Variants in RBM48 observed in about 807,000 individuals in gnomAD.
The protein encoded by RBM48 is RNA-binding protein 48.
A neutral mutation model predicts 34.8 loss-of-function variants in RBM48; 32 were observed. The ratio of observed to expected loss-of-function variants is 0.92; its 90% CI spans 0.69 to 1.23. The LOEUF is 1.23. RBM48 is among the 50% of genes most tolerant of loss of function. RBM48 has a pLI of 0.00. For synonymous variants in RBM48, 151 were observed against 156.2 expected, an observed-to-expected ratio of 0.97 and a Z score of 0.25; for missense variants, 441 against 447.2, an observed-to-expected ratio of 0.99 and a Z score of 0.12.
At chr7:92,529,065 G>A (rs1793462052) in intron 1 of RBM48, 141 bp downstream of exon 1, 15 of 694,198 alleles carry the variant, frequency 2.2e-5, no homozygotes, top group Middle Eastern at 2.5e-4. Context: ...AAGAACCCTC[G>A]GTCAGTTACC....
Position 92,529,643 on chromosome 7 carries a change from A to G in RBM48, c.279A>G (p.Lys93=). The G allele has an allele frequency of 6.3e-7, 1 of 1,596,138 alleles. No homozygotes were observed. The highest frequency in any genetic ancestry group is 8.6e-7 in the Non-Finnish European group (1 of 1,169,272). The part of the protein sequence containing the change: ...AEDFTEVYLI[K]FMNLQSARTA... ...ACTTTACTGAAGTTTATCTTATTAAATTTATGAACTTACAAAGTGCAAGGT... is the reference window on the plus strand; with the variant it reads ...ACTTTACTGAAGTTTATCTTATTAAGTTTATGAACTTACAAAGTGCAAGGT... The change falls in exon 2 of 5, where the codon AAA becomes AAG. Residue 93 remains lysine, a synonymous_variant. Coordinates refer to ENST00000265732, the MANE Select transcript of RBM48 (RefSeq NM_032120.4).
rs771923272 is a variant in RBM48, at chr7:92,534,879, T to C, written c.926T>C (p.Ile309Thr). ...AACCCAACTGGTAATGAGATTATGA[T>C]TGGACCTCTGTTACCAGACATCTCT... ...QTNPTGNEIM[I>T]GPLLPDISKV... Residue 309 changes from isoleucine to threonine, a missense_variant, in exon 4 of 5, where the codon ATT becomes ACT. Physicochemically the swap from Ile to Thr is moderately conservative, Grantham distance 89. Transcript: ENST00000265732. 5.6e-6 allele frequency: 9 copies of C among 1,614,084 alleles called. No homozygotes were observed. Among genetic ancestry groups the C allele is most frequent in the Admixed American group, 1.7e-5 (1 of 60,002 alleles).
intron 2 of RBM48, among the ~76,000 whole-genome samples, chr7:92,531,419 C>T (rs1468925295): frequency 6.6e-6 from 1 of 152,138 alleles, no homozygotes; most frequent in African/African-American, 2.4e-5. Flanking sequence ...TTATATTGAT[C>T]TCTGTTCTCC....
chr7:92,531,050 A>G (rs1453346229), intron 2 of RBM48, among the ~76,000 whole-genome samples: 2 of 152,122 alleles, frequency 1.3e-5, no homozygotes, highest in African/African-American at 2.4e-5. Context: ...ACTACACTCC[A>G]TCCTGGGTGA....
rs1443468240 is a variant in RBM48 at position 92,539,672 on chromosome 7, CTG to C, written c.*2736_*2737del. On this transcript the variant is annotated 3_prime_UTR_variant, in exon 5 of 5. Coordinates refer to ENST00000265732, the MANE Select transcript of RBM48 (RefSeq NM_032120.4). ...TGAGATTGTACCACTGCACTCCAGT[CTG>C]GGCAACAGACGGAGACTGTGTCTCA... Among the ~76,000 whole-genome samples the C allele has an allele frequency of 2.6e-5, 4 of 152,196 alleles. No individual in the cohort carries two copies. The highest frequency in any genetic ancestry group is 9.7e-5 in the African/African-American group (4 of 41,444).
chr7:92,533,592 G>C (rs750857200), intron 3 of RBM48, among the ~76,000 whole-genome samples: 4 of 152,092 alleles, frequency 2.6e-5, no homozygotes, highest in Admixed American at 6.5e-5. Context: ...ACTATGACTT[G>C]TTTGGCCTTG....
rs765661326 is a variant in RBM48, at chr7:92,532,358, A to C, written c.303-46A>C. On this transcript the variant is annotated intron_variant, in intron 2 of 4. Transcript: ENST00000265732. ...GCATACTAGTTAAGCTTTCATCCCA[A>C]GTAAATCTAGATTAAAAAACTATGC... 14 of 1,539,356 alleles carry C rather than the reference A, an allele frequency of 9.1e-6. No individual in the cohort carries two copies. In the East Asian group the frequency reaches 3.1e-4, roughly 35 times the overall value.
At chr7:92,531,034 T>C (rs1793563113) in intron 2 of RBM48, among the ~76,000 whole-genome samples, 2 of 152,032 alleles carry the variant, frequency 1.3e-5, no homozygotes, top group South Asian at 2.1e-4. Flanking sequence ...GTGAGTCTTA[T>C]GGGCCACTAC....
Position 92,534,892 on chromosome 7 carries a change from A to G in RBM48, c.939A>G (p.Leu313=). 1 of 1,614,212 alleles carries G rather than the reference A, an allele frequency of 6.2e-7. No homozygotes were observed. Among genetic ancestry groups the G allele is most frequent in the South Asian group, 1.1e-5 (1 of 91,082 alleles). ...TGNEIMIGPL[L]PDISKVDMHD... is the part of the protein sequence containing the mutation. ...ATGAGATTATGATTGGACCTCTGTT[A>G]CCAGACATCTCTAAAGTGGATATGC... Residue 313 remains leucine (L), a synonymous_variant, in exon 4 of 5, where the codon TTA becomes TTG. Transcript: ENST00000265732.
intron 3 of RBM48, among the ~76,000 whole-genome samples, chr7:92,533,652 G>A (rs555741961): frequency 5.1e-4 from 77 of 152,222 alleles, no homozygotes; most frequent in Middle Eastern, 3.4e-3. Context: ...GCCTCTACAA[G>A]ATGCATTTGT....
chr7:92,529,031 C>G, intron 1 of RBM48, 107 bp downstream of exon 1: 2 of 837,044 alleles, frequency 2.4e-6, no homozygotes, highest in Non-Finnish European at 4.0e-6. Context: ...TCCGTCAGAT[C>G]TGTCTCTCGT....
At position 92,534,680 on chromosome 7, in the gene RBM48, T is replaced by G. The variant is rs764116907; in HGVS notation, c.727T>G (p.Ser243Ala). The change falls in exon 4 of 5, where the codon TCT becomes GCT. Residue 243 changes from serine to alanine, a missense_variant. By Grantham distance (99) the Ser-to-Ala change is moderately conservative. Transcript: ENST00000265732. ...AATGGGGCATTATAACCACAATGAC[T>G]CTTTGCGGAAAACACAGATAAACTC... ...KTMGHYNHND[S>A]LRKTQINSLK... The G allele has an allele frequency of 1.5e-5, 24 of 1,614,198 alleles. No individual in the cohort carries two copies. In the South Asian group the frequency reaches 2.1e-4, roughly 14 times the overall value.
Position 92,534,930 on chromosome 7 carries a change from T to A in RBM48, c.977T>A (p.Leu326Ter), listed in dbSNP as rs751893937. 1 of 1,614,192 alleles carries A rather than the reference T, an allele frequency of 6.2e-7. No homozygotes were observed. Among genetic ancestry groups the A allele is most frequent in the South Asian group, 1.1e-5 (1 of 91,080 alleles). ...ISKVDMHDDS[L>*]NTTANLIRHK... ...AAAGTGGATATGCACGATGACTCATTGAATACAACGGCGAATTTAATTCGG... is the reference window on the plus strand; with the variant it reads ...AAAGTGGATATGCACGATGACTCATAGAATACAACGGCGAATTTAATTCGG... Residue 326 changes from leucine (L) to a stop codon, truncating the protein, a stop_gained, in exon 4 of 5, where the codon TTG (leucine) becomes TAG (stop). Transcript: ENST00000265732. LOFTEE classifies it high-confidence loss of function.
At position 92,534,928 on chromosome 7, in the gene RBM48, A is replaced by G. The variant is rs1585278322; in HGVS notation, c.975A>G (p.Ser325=). 5.3e-5 allele frequency: 86 copies of G among 1,614,226 alleles called. No homozygotes were observed. In the East Asian group the frequency reaches 1.9e-3, roughly 36 times the overall value. ...DISKVDMHDD[S]LNTTANLIRH... ...CTAAAGTGGATATGCACGATGACTC[A>G]TTGAATACAACGGCGAATTTAATTC... Residue 325 remains serine (S), a synonymous_variant, in exon 4 of 5, where the codon TCA becomes TCG. Transcript: ENST00000265732.
Position 92,534,469 on chromosome 7 carries a change from C to A in RBM48, c.516C>A (p.Phe172Leu), listed in dbSNP as rs1350557283. 1 of 1,614,018 alleles carries A rather than the reference C, an allele frequency of 6.2e-7. No individual in the cohort carries two copies. Among genetic ancestry groups the A allele is most frequent in the East Asian group, 2.2e-5 (1 of 44,886 alleles). The change falls in exon 4 of 5, where the codon TTC (phenylalanine) becomes TTA (leucine). Residue 172 changes from phenylalanine (F) to leucine (L), a missense_variant. Coordinates refer to ENST00000265732, the MANE Select transcript of RBM48 (RefSeq NM_032120.4). ...ACACAGAGGATTTTAGACAAGACTT[C>A]CACTCAGAGATGTCTGGATTTTGTA... ...HKDTEDFRQD[F>L]HSEMSGFCKA... is the part of the protein sequence containing the mutation.
chr7:92,536,817 T>G (rs6950842), intron 4 of RBM48, 34 bp from the exon 5 acceptor site: 56,213 of 1,545,874 alleles, frequency 0.036, 1,144 homozygotes, highest in Non-Finnish European at 0.04. Flanking sequence ...CTATAGAAAC[T>G]AAGTTTTAAT....
chr7:92,534,850 A>G lies in RBM48; in HGVS notation c.897A>G (p.Gln299=). The change falls in exon 4 of 5, where the codon CAA becomes CAG. Residue 299 remains glutamine (Q), a synonymous_variant. Transcript: ENST00000265732. ...ATCGTAAACTTGGAACTTTTCTTCA[A>G]ACAAACCCAACTGGTAATGAGATTA... ...EDDRKLGTFL[Q]TNPTGNEIMI... The G allele has an allele frequency of 6.2e-7, 1 of 1,614,232 alleles. No homozygotes were observed.
At chr7:92,532,071 T>C (rs1165278026) in intron 2 of RBM48, among the ~76,000 whole-genome samples, 1 of 152,162 alleles carries the variant, frequency 6.6e-6, no homozygotes, top group Non-Finnish European at 1.5e-5. Context: ...CTTAATTGGG[T>C]ATGAACCAAC....
Position 92,534,843 on chromosome 7 carries a change from T to C in RBM48, c.890T>C (p.Phe297Ser), listed in dbSNP as rs1309191757. The change falls in exon 4 of 5, where the codon TTT becomes TCT. Residue 297 changes from phenylalanine (F) to serine (S), a missense_variant. Coordinates refer to ENST00000265732, the MANE Select transcript of RBM48 (RefSeq NM_032120.4). ...RREDDRKLGTFLQTNPTGNEI... is the reference protein window; with the variant it reads ...RREDDRKLGTSLQTNPTGNEI... ...GAAGATGATCGTAAACTTGGAACTT[T>C]TCTTCAAACAAACCCAACTGGTAAT... 8.1e-6 allele frequency: 13 copies of C among 1,614,092 alleles called. No homozygotes were observed. Among genetic ancestry groups the C allele is most frequent in the Admixed American group, 1.7e-5 (1 of 59,996 alleles).
Sources: allele counts gnomAD v4.1 joint callset (sites outside exome capture counted in the v4.1 genomes callset), GRCh38; gene constraint gnomAD v4.1.1; transcripts MANE v1.5; gene names NCBI Gene and HGNC (gene_info 2026-07-23, HGNC 2026-07-21).